The following RABGGTA variants were observed in gnomAD, a reference collection of about 807,000 sequenced individuals.
The protein encoded by RABGGTA is geranylgeranyl transferase type-2 subunit alpha.
A neutral mutation model predicts 83.3 loss-of-function variants in RABGGTA; 69 were observed. The observed-to-expected ratio is 0.83, with a 90% CI of 0.68 to 1.01. The LOEUF (loss-of-function observed/expected upper bound fraction) is 1.01. Ranked by LOEUF, RABGGTA falls within the 50% of genes least tolerant of loss-of-function variation. RABGGTA has a pLI of 0.00. For synonymous variants in RABGGTA, 310 were observed against 299.8 expected (o/e 1.03, Z -0.35); for missense variants, 681 against 712.7 (o/e 0.96, Z 0.51).
chr14:24,266,921 G>C, intron 14 of RABGGTA, 32 bp from the exon 15 acceptor site: 1 of 1,518,846 alleles, frequency 6.6e-7, no homozygotes, highest in Non-Finnish European at 9.1e-7. Flanking sequence ...GAGGTGATGG[G>C]CTTCCCAGGA....
Position 24,271,096 on chromosome 14 carries a change from G to T in RABGGTA, c.3+17C>A. On this transcript the variant is annotated intron_variant, in intron 2 of 16. Coordinates refer to ENST00000216840, the MANE Select transcript of RABGGTA (RefSeq NM_182836.3). ...CGCGGGCCTGCGGAGGTGAAGGGCTGGGCTCAGGGTTCTCACCATGGTGCC... is the reference window on the plus strand; with the variant it reads ...CGCGGGCCTGCGGAGGTGAAGGGCTTGGCTCAGGGTTCTCACCATGGTGCC... The T allele has an allele frequency of 6.4e-7, 1 of 1,561,660 alleles. No homozygotes were observed. Among genetic ancestry groups the T allele is most frequent in the Admixed American group, 1.9e-5 (1 of 53,718 alleles).
At position 24,271,166 on chromosome 14, in the gene RABGGTA, A is replaced by G. The variant is rs893367255; in HGVS notation, c.-51T>C. 1.3e-6 allele frequency: 2 copies of G among 1,503,986 alleles called. No homozygotes were observed. The highest frequency in any genetic ancestry group is 2.8e-5 in the African/African-American group (2 of 71,454). The allele number at this position is 1,503,986 out of a possible 1,614,324, so 93.2% of individuals were successfully genotyped here. On this transcript the variant is annotated 5_prime_UTR_variant, in exon 2 of 17. Transcript: ENST00000216840. ...GGGAAGGGTCCAGTGGTAGCCCTTG[A>G]AGTCTGAGGAGAGAAGTGTCAATCA...
At position 24,266,366 on chromosome 14, in the gene RABGGTA, G is replaced by T. The variant is rs1047518358; in HGVS notation, c.1555+64C>A. 5 of 1,475,438 alleles carry T rather than the reference G, an allele frequency of 3.4e-6. No homozygotes were observed. The African/African-American group carries it at 6.9e-5, about 21-fold the overall frequency. 91.4% of individuals were successfully genotyped at this position (1,475,438 alleles called of 1,614,324 possible). A position where few individuals can be genotyped will look rare whatever the true frequency, so the allele number is the denominator to read the frequency against. ...GTGGCACATACCCTGCCTGCTGTCT[G>T]TCCCTTCCCAGGGTGGCACCTCACT... is the stretch of plus-strand genomic sequence containing the variant. On this transcript the variant is annotated intron_variant, in intron 16 of 16. Coordinates refer to ENST00000216840, the MANE Select transcript of RABGGTA (RefSeq NM_182836.3).
Position 24,268,093 on chromosome 14 carries a change from ACG to A in RABGGTA, c.1147+15_1147+16del. 1 of 1,613,558 alleles carries A rather than the reference ACG, an allele frequency of 6.2e-7. No homozygotes were observed. Among genetic ancestry groups the A allele is most frequent in the Non-Finnish European group, 8.5e-7 (1 of 1,179,648 alleles). On this transcript the variant is annotated intron_variant, in intron 12 of 16. Coordinates refer to ENST00000216840, the MANE Select transcript of RABGGTA (RefSeq NM_182836.3). ...CAGCGGGCTCTGGGAGCAGACTCTC[ACG>A]GAATGGGGCCTCACATTTATTCTCA...
chr14:24,270,841 T>C lies in RABGGTA; in HGVS notation c.110A>G (p.Gln37Arg), dbSNP rs1321747164. The change falls in exon 3 of 17, where the codon CAG (glutamine) becomes CGG (arginine). Residue 37 changes from glutamine to arginine, a missense_variant. Coordinates refer to ENST00000216840, the MANE Select transcript of RABGGTA (RefSeq NM_182836.3). ...GGCTACCTCTGAGGGCCCCACCTTC[T>C]GGAATACGGCCTGGGTGGCTGACTG... ...LYQSATQAVF[Q>R]KRQAGELDES... The C allele has an allele frequency of 6.2e-7, 1 of 1,613,740 alleles. No individual in the cohort carries two copies. The highest frequency in any genetic ancestry group is 2.2e-5 in the East Asian group (1 of 44,886).
chr14:24,271,351 C>G (rs1423938105), intron 1 of RABGGTA, 136 bp downstream of exon 1: 4 of 437,474 alleles, frequency 9.1e-6, no homozygotes, highest in African/African-American at 8.0e-5. Context: ...GTGGCCCTTC[C>G]TATAGCCCGA....
In RABGGTA at chr14:24,266,480, T is replaced by C. The variant is rs750223686; in HGVS notation, c.1505A>G (p.Asp502Gly). 7 of 1,613,838 alleles carry C rather than the reference T, an allele frequency of 4.3e-6. No homozygotes were observed. Among genetic ancestry groups the C allele is most frequent in the East Asian group, 4.5e-5 (2 of 44,872 alleles). ...CAGCCGGGGTAGGTTGGTGACGCCG[T>C]CCAGGGACTCTATGGCATTATCACT... ...QASDNAIESLDGVTNLPRLQE... is the reference protein window; with the variant it reads ...QASDNAIESLGGVTNLPRLQE... Residue 502 changes from aspartate (D) to glycine (G), a missense_variant, in exon 16 of 17, where the codon GAC becomes GGC. Transcript: ENST00000216840.
Position 24,268,209 on chromosome 14 carries a change from G to T in RABGGTA, c.1059-11C>A. On this transcript the variant is annotated splice_polypyrimidine_tract_variant and intron_variant, in intron 11 of 16. Transcript: ENST00000216840. ...ACTGACAGCTCACACCTGAGGGTGG[G>T]CAGGGTGGGGAGGAGTTGAGGCCCA... The T allele has an allele frequency of 1.3e-6, 2 of 1,595,308 alleles. No homozygotes were observed. The highest frequency in any genetic ancestry group is 1.7e-6 in the Non-Finnish European group (2 of 1,163,196).
chr14:24,270,366 T>C lies in RABGGTA; in HGVS notation c.207A>G (p.Arg69=), dbSNP rs747599173. The change falls in exon 4 of 17, where the codon CGA becomes CGG. Residue 69 remains arginine (R), a synonymous_variant. Coordinates refer to ENST00000216840, the MANE Select transcript of RABGGTA (RefSeq NM_182836.3). ...TCTCCAGCTGCTGGAGCACCTCTCG[T>C]CGGCAGTTCCAGAGGGTGGCAAAAT... ...NPDFATLWNC[R]REVLQQLETQ... is the part of the protein sequence containing the mutation. The C allele has an allele frequency of 3.1e-6, 5 of 1,613,792 alleles. No individual in the cohort carries two copies. The African/African-American group carries it at 5.3e-5, about 17-fold the overall frequency.
At position 24,268,357 on chromosome 14, in the gene RABGGTA, C is replaced by T. The variant is rs1168254127; in HGVS notation, c.1058+12G>A. On this transcript the variant is annotated intron_variant, in intron 11 of 16. Coordinates refer to ENST00000216840, the MANE Select transcript of RABGGTA (RefSeq NM_182836.3). ...GAGCCCCTCTCCTTGTTTTGTGCTT[C>T]CCTATCACCACCTGAATAGCTGCTC... The T allele has an allele frequency of 1.2e-6, 2 of 1,612,982 alleles. No individual in the cohort carries two copies. Among genetic ancestry groups the T allele is most frequent in the Admixed American group, 1.7e-5 (1 of 60,032 alleles).
At position 24,266,850 on chromosome 14, in the gene RABGGTA, C is replaced by T; in HGVS notation, c.1393G>A (p.Val465Ile). The T allele has an allele frequency of 6.2e-7, 1 of 1,613,904 alleles. No homozygotes were observed. The highest frequency in any genetic ancestry group is 8.5e-7 in the Non-Finnish European group (1 of 1,179,862). The change falls in exon 15 of 17, where the codon GTC becomes ATC. Residue 465 changes from valine (V) to isoleucine (I), a missense_variant. By Grantham distance (29) the Val-to-Ile change is conservative. Transcript: ENST00000216840. ...TTGTGTGACAAGTCAAGATGGGTGA[C>T]CAAGAGCAGCTGTTCCAGATGGCAG... Reference protein sequence around the residue: ...VLCHLEQLLLVTHLDLSHNRL... With the variant: ...VLCHLEQLLLITHLDLSHNRL...
Position 24,268,602 on chromosome 14 carries a change from A to G in RABGGTA, c.918T>C (p.Ala306=), listed in dbSNP as rs1374940449. The stretch of plus-strand genomic sequence containing the variant: ...GGGGCAACTGGTCGTTGAGGGAGGC[A>G]GCAGGCAGGTCACAGAGCTGGGAGT... ...PSHVWLCDLP[A]ASLNDQLPQH... Residue 306 remains alanine (A), a synonymous_variant, in exon 10 of 17, where the codon GCT becomes GCC. Coordinates refer to ENST00000216840, the MANE Select transcript of RABGGTA (RefSeq NM_182836.3). 15 of 1,613,976 alleles carry G rather than the reference A, an allele frequency of 9.3e-6. No homozygotes were observed. Among genetic ancestry groups the G allele is most frequent in the Non-Finnish European group, 1.2e-5 (14 of 1,179,866 alleles).
rs765090771 is a variant in RABGGTA at position 24,270,331 on chromosome 14, C to T, written c.239+3G>A. 1.2e-6 allele frequency: 2 copies of T among 1,613,008 alleles called. No individual in the cohort carries two copies. The highest frequency in any genetic ancestry group is 1.3e-5 in the African/African-American group (1 of 74,906). On this transcript the variant is annotated splice_donor_region_variant and intron_variant, in intron 4 of 16. Coordinates refer to ENST00000216840, the MANE Select transcript of RABGGTA (RefSeq NM_182836.3). ...TCTTCTGAGATCCTGAATCCCTACG[C>T]ACTTCTGAGTCTCCAGCTGCTGGAG...
rs745764806 is a variant in RABGGTA at position 24,270,900 on chromosome 14, T to A, written c.51A>T (p.Lys17Asn). 6.2e-7 allele frequency: 1 copy of A among 1,614,028 alleles called. No homozygotes were observed. The highest frequency in any genetic ancestry group is 8.5e-7 in the Non-Finnish European group (1 of 1,179,888). The stretch of plus-strand genomic sequence containing the variant: ...TCAGCTTCTGCTCTCGCTCTAGCCT[T>A]TTGGCCTCCGCCTGCTCTTCTGACG... ...VKTSEEQAEA[K>N]RLEREQKLKL... Residue 17 changes from lysine to asparagine, a missense_variant, in exon 3 of 17, where the codon AAA (lysine) becomes AAT (asparagine). Lys to Asn is a moderately conservative substitution (Grantham distance 94). Around this residue, in one of 5 missense-constraint regions of RABGGTA, gnomAD observed 115 missense variants for 111.5 expected, o/e 1.03. Transcript: ENST00000216840.
Position 24,267,729 on chromosome 14 carries a change from C to A in RABGGTA, c.1284G>T (p.Lys428Asn). The A allele has an allele frequency of 6.2e-7, 1 of 1,612,158 alleles. No individual in the cohort carries two copies. Among genetic ancestry groups the A allele is most frequent in the African/African-American group, 1.3e-5 (1 of 74,988 alleles). The change falls in exon 14 of 17, where the codon AAG becomes AAT. Residue 428 changes from lysine to asparagine, a missense_variant. Lys to Asn is a moderately conservative substitution (Grantham distance 94). Transcript: ENST00000216840. ...RATYLDDLRS[K>N]FLLENSVLKM... ...TGAGCACGCTATTCTCCAGCAAGAA[C>A]TTGCTGCGCAGGTCATCCAGATACG...
At chr14:24,269,425 G>A in intron 6 of RABGGTA, 66 bp downstream of exon 6, 2 of 1,497,810 alleles carry the variant, frequency 1.3e-6, no homozygotes, top group Non-Finnish European at 1.9e-6. Context: ...TCAGGAACAG[G>A]GTCAGGCATG....
intron 15 of RABGGTA, 41 bp downstream of exon 15, chr14:24,266,735 A>C (rs757677223): frequency 6.4e-7 from 1 of 1,554,022 alleles, no homozygotes; most frequent in South Asian, 1.1e-5. Context: ...GGAAGAGGAA[A>C]AGAACCACCC....
At position 24,268,948 on chromosome 14, in the gene RABGGTA, T is replaced by G; in HGVS notation, c.761A>C (p.Glu254Ala). 1 of 1,587,802 alleles carries G rather than the reference T, an allele frequency of 6.3e-7. No individual in the cohort carries two copies. Among genetic ancestry groups the G allele is most frequent in the South Asian group, 1.2e-5 (1 of 86,894 alleles). Residue 254 changes from glutamate to alanine, a missense_variant, in exon 8 of 17, where the codon GAG (glutamate) becomes GCG (alanine). Glu to Ala is a moderately radical substitution (Grantham distance 107). This residue lies in a region of RABGGTA where 421 missense variants were observed against 418.5 expected (regional missense o/e 1.01). Transcript: ENST00000216840. ...ALRCLHVSRD[E>A]ACLTVSFSRP... ...AGAGAAGGAGACAGTCAGACAGGCC[T>G]CGTCCCGGCTCACATGCAGGCAGCG...
intron 13 of RABGGTA, 35 bp downstream of exon 13, chr14:24,267,835 G>A (rs1594580890): frequency 6.2e-7 from 1 of 1,611,266 alleles, no homozygotes; most frequent in South Asian, 1.1e-5. Flanking sequence ...TGCCTGCTGG[G>A]CCTCCCCCTG....
Sources: allele counts gnomAD v4.1 joint callset, GRCh38; gene constraint gnomAD v4.1.1; regional missense constraint gnomAD v4.1.1; transcripts MANE v1.5; gene names NCBI Gene and HGNC (gene_info 2026-07-23, HGNC 2026-07-21).